The following ALK variants were observed in gnomAD, a reference collection of about 807,000 sequenced individuals.
ALK encodes ALK receptor tyrosine kinase.
Under a neutral mutation model 163.1 loss-of-function variants are expected in ALK, and 74 were observed. The observed-to-expected ratio is 0.45, with a 90% confidence interval of 0.38 to 0.55. ALK has a LOEUF of 0.55. Ranked by LOEUF, ALK falls within the 20% of genes least tolerant of loss-of-function variation. The pLI is 0.00. For synonymous variants in ALK, 960 were observed against 843.2 expected, an observed-to-expected ratio of 1.14 and a Z score of -2.40; for missense variants, 2,063 against 2,105.3, an observed-to-expected ratio of 0.98 and a Z score of 0.39.
Position 29,228,919 on chromosome 2 carries a change from C to T in ALK, c.2780G>A (p.Gly927Glu), listed in dbSNP as rs2148180455. ...TRGGFGGGGG[G>E]CSSGGGGGGY... Reference sequence around the variant, plus strand: ...TCCGCCTCCTCCACCTGAGGAGCACCCCCCTCCACCCCCTCCGAAACCCCC... The same window carrying T: ...TCCGCCTCCTCCACCTGAGGAGCACTCCCCTCCACCCCCTCCGAAACCCCC... Residue 927 changes from glycine to glutamate, a missense_variant, in exon 16 of 29, where the codon GGG (glycine) becomes GAG (glutamate). Around this residue, in one of 5 missense-constraint regions of ALK, gnomAD observed 575 missense variants for 626.6 expected, o/e 0.92. Coordinates refer to ENST00000389048, the MANE Select transcript of ALK (RefSeq NM_004304.5). 2.0e-6 allele frequency: 3 copies of T among 1,479,556 alleles called. No individual in the cohort carries two copies. The highest frequency in any genetic ancestry group is 2.8e-6 in the Non-Finnish European group (3 of 1,059,388). The allele number at this position is 1,479,556 out of a possible 1,614,324, so 91.7% of individuals were successfully genotyped here.
chr2:29,550,749 T>C (rs1673695533), intron 3 of ALK, among the ~76,000 whole-genome samples: 1 of 152,202 alleles, frequency 6.6e-6, no homozygotes, highest in South Asian at 2.1e-4. Context: ...TTTATGTGCA[T>C]TAAATATAAT....
intron 4 of ALK, among the ~76,000 whole-genome samples, chr2:29,403,785 G>A (rs1013239308): frequency 8.0e-5 from 12 of 150,456 alleles, no homozygotes; most frequent in African/African-American, 2.9e-4. Flanking sequence ...GATAGTGTAT[G>A]CTTGTAATAC....
rs71403658 is a variant in ALK, at chr2:29,318,569, C to CT, written c.1547-166dup. ...AAGAAAGCCCACCTGTCAACAATTT[C>CT]TTTTTTTTTTTTTTTGAGACAGAGT... On this transcript the variant is annotated intron_variant, in intron 7 of 28. Coordinates refer to ENST00000389048, the MANE Select transcript of ALK (RefSeq NM_004304.5). Among the ~76,000 whole-genome samples, 310 of 142,268 alleles carry CT rather than the reference C, an allele frequency of 2.2e-3. 2 individuals are homozygous for CT. Among genetic ancestry groups the CT allele is most frequent in the East Asian group, 0.018 (88 of 4,902 alleles). The allele number at this position is 142,268 out of a possible 152,430, so 93.3% of individuals were successfully genotyped here.
intron 3 of ALK, among the ~76,000 whole-genome samples, chr2:29,538,192 G>C (rs976178150): frequency 2.6e-5 from 4 of 152,108 alleles, no homozygotes; most frequent in South Asian, 2.1e-4. Flanking sequence ...TGATATTTGG[G>C]GGGGGCAGGG....
chr2:29,540,328 G>C (rs1673379151), intron 3 of ALK, among the ~76,000 whole-genome samples: 2 of 152,098 alleles, frequency 1.3e-5, no homozygotes, highest in South Asian at 2.1e-4. Flanking sequence ...AGGTATTACA[G>C]ATATAGATAA....
At chr2:29,242,398 A>G (rs75410860) in intron 12 of ALK, among the ~76,000 whole-genome samples, 3,640 of 152,324 alleles carry the variant, frequency 0.024, 160 homozygotes, top group African/African-American at 0.083. Flanking sequence ...TGCATCAACC[A>G]TGCATTATGA....
chr2:29,268,533 G>A (rs1033015916), intron 11 of ALK, among the ~76,000 whole-genome samples: 4 of 152,170 alleles, frequency 2.6e-5, no homozygotes, highest in Non-Finnish European at 4.4e-5. Flanking sequence ...ATAGGGTTTG[G>A]CACAGAGCAG....
At chr2:29,413,854 G>C (rs955931687) in intron 4 of ALK, among the ~76,000 whole-genome samples, 2 of 152,096 alleles carry the variant, frequency 1.3e-5, no homozygotes, top group South Asian at 2.1e-4. Context: ...TTTTAGTCGA[G>C]ACGGGGTTTC....
intron 8 of ALK, among the ~76,000 whole-genome samples, chr2:29,303,871 G>A (rs1036418628): frequency 5.9e-5 from 9 of 152,156 alleles, no homozygotes; most frequent in Admixed American, 6.5e-5. Context: ...AATAGATACT[G>A]GGGACTCTAA....
intron 3 of ALK, among the ~76,000 whole-genome samples, chr2:29,680,638 T>C (rs889199479): frequency 1.3e-5 from 2 of 152,132 alleles, no homozygotes; most frequent in Non-Finnish European, 2.9e-5. Flanking sequence ...TGTTTTTAAT[T>C]GAATATATTC....
chr2:29,478,094 A>C (rs1218361251), intron 4 of ALK, among the ~76,000 whole-genome samples: 3 of 152,216 alleles, frequency 2.0e-5, no homozygotes, highest in African/African-American at 7.2e-5. Flanking sequence ...TCAGCTTCTC[A>C]AAGCTCCCCA....
intron 1 of ALK, among the ~76,000 whole-genome samples, chr2:29,823,207 T>A (rs1396169572): frequency 2.0e-5 from 3 of 152,230 alleles, no homozygotes; most frequent in Non-Finnish European, 4.4e-5. Context: ...GCTTGCCTTC[T>A]GCCATGATTG....
rs990658464 is a variant in ALK, at chr2:29,193,677, G to A, written c.4410C>T (p.Ala1470=). ...CCATATTCACGTGTCCCCCTTCCAC[G>A]GCCGGCCCTCTAGGGACTCGAACAG... is the stretch of plus-strand genomic sequence containing the variant. The part of the protein sequence containing the change: ...EISVRVPRGP[A]VEGGHVNMAF... Residue 1470 remains alanine (A), a synonymous_variant, in exon 29 of 29, where the codon GCC becomes GCT. Transcript: ENST00000389048. 6 of 1,613,922 alleles carry A rather than the reference G, an allele frequency of 3.7e-6. No individual in the cohort carries two copies. The highest frequency in any genetic ancestry group is 1.1e-5 in the South Asian group (1 of 91,088).
At chr2:29,362,875 A>G (rs955116756) in intron 5 of ALK, among the ~76,000 whole-genome samples, 5 of 152,246 alleles carry the variant, frequency 3.3e-5, no homozygotes, top group African/African-American at 1.2e-4. Context: ...CAGAAAAAAC[A>G]TTGAATGAAA....
chr2:29,523,122 C>T (rs543396699), intron 4 of ALK, among the ~76,000 whole-genome samples: 5 of 152,214 alleles, frequency 3.3e-5, no homozygotes, highest in Admixed American at 1.3e-4. Flanking sequence ...GAACCCCGGG[C>T]AGGAGGGGGA....
At chr2:29,679,951 G>A (rs1045391017) in intron 3 of ALK, among the ~76,000 whole-genome samples, 1 of 151,862 alleles carries the variant, frequency 6.6e-6, no homozygotes, top group Non-Finnish European at 1.5e-5. Flanking sequence ...GGTTAGTTTT[G>A]CTTGATATCA....
chr2:29,229,127 G>A, intron 15 of ALK, 61 bp from the exon 16 acceptor site: 1 of 1,533,360 alleles, frequency 6.5e-7, no homozygotes, highest in Non-Finnish European at 9.0e-7. Context: ...AGCCATGCTG[G>A]CCAGAGAAGC....
chr2:29,882,330 G>A (rs1666888441), intron 1 of ALK, among the ~76,000 whole-genome samples: 1 of 152,166 alleles, frequency 6.6e-6, no homozygotes. Context: ...TAAAAACTAT[G>A]AAGCAAAACA....
At chr2:29,685,787 A>G (rs1416868464) in intron 3 of ALK, among the ~76,000 whole-genome samples, 1 of 152,204 alleles carries the variant, frequency 6.6e-6, no homozygotes, top group Non-Finnish European at 1.5e-5. Flanking sequence ...TGCAGGTAAG[A>G]AGTCTAAAAT....
Sources: allele counts gnomAD v4.1 joint callset (sites outside exome capture counted in the v4.1 genomes callset), GRCh38; gene constraint gnomAD v4.1.1; regional missense constraint gnomAD v4.1.1; transcripts MANE v1.5; gene names NCBI Gene and HGNC (gene_info 2026-07-23, HGNC 2026-07-21).